ME3: variants seen among roughly 807,000 people sequenced by gnomAD.
ME3 encodes the protein NADP-dependent malic enzyme, mitochondrial.
A neutral mutation model predicts 68.9 loss-of-function variants in ME3; 48 were observed. The observed-to-expected ratio is 0.70, with a 90% CI of 0.55 to 0.89. The LOEUF (loss-of-function observed/expected upper bound fraction) is 0.89. ME3 is among the 40% of genes least tolerant of loss of function. The pLI is 0.00. For missense variants in ME3, 675 were observed against 797.4 expected (o/e 0.85, Z 1.85); for synonymous variants, 320 against 318.8 (o/e 1.00, Z -0.04).
intron 7 of ME3, among the ~76,000 whole-genome samples, chr11:86,472,590 C>T (rs2511082): frequency 0.42 from 63,850 of 151,988 alleles, 13,652 homozygotes; most frequent in African/African-American, 0.46. Flanking sequence ...AGCTTTGAGA[C>T]TGAGCAGGTG....
At chr11:86,519,292 C>G (rs959836374) in intron 4 of ME3, among the ~76,000 whole-genome samples, 1 of 152,084 alleles carries the variant, frequency 6.6e-6, no homozygotes, top group Admixed American at 6.5e-5. Context: ...CCATCAGGAG[C>G]CAGAAAAATC....
chr11:86,535,383 C>T (rs1254714861), intron 4 of ME3, among the ~76,000 whole-genome samples: 1 of 152,128 alleles, frequency 6.6e-6, no homozygotes, highest in Non-Finnish European at 1.5e-5. Context: ...CAGGCCAGGG[C>T]AATCTATGGA....
intron 3 of ME3, 130 bp downstream of exon 3, chr11:86,559,560 T>C: frequency 8.8e-7 from 1 of 1,134,642 alleles, no homozygotes; most frequent in South Asian, 1.9e-5. Context: ...AAGGTAGGGC[T>C]GAGTCTGGGA....
chr11:86,543,601 C>G (rs1956180321), intron 4 of ME3, among the ~76,000 whole-genome samples: 1 of 152,162 alleles, frequency 6.6e-6, no homozygotes, highest in Admixed American at 6.6e-5. Flanking sequence ...ACAAGAAGAG[C>G]TAACTATCCT....
At chr11:86,628,471 G>A (rs1418065617) in intron 2 of ME3, among the ~76,000 whole-genome samples, 2 of 152,194 alleles carry the variant, frequency 1.3e-5, no homozygotes, top group Non-Finnish European at 1.5e-5. Context: ...TGACGCCTAG[G>A]CCATAATCTA....
At chr11:86,439,973 A>G (rs1452137), downstream of ME3, among the ~76,000 whole-genome samples, 14,247 of 152,142 alleles carry the variant, frequency 0.094, 1,278 homozygotes, top group African/African-American at 0.24. Flanking sequence ...TTTTCTCAGG[A>G]TATTCTTGGC....
intron 2 of ME3, among the ~76,000 whole-genome samples, chr11:86,594,954 G>T (rs1959195678): frequency 6.9e-6 from 1 of 145,460 alleles, no homozygotes; most frequent in African/African-American, 2.5e-5. Context: ...GCTTCTGTGG[G>T]GGATGAGCTA....
intron 2 of ME3, among the ~76,000 whole-genome samples, chr11:86,597,998 C>G (rs1313909541): frequency 6.6e-6 from 1 of 152,122 alleles, no homozygotes; most frequent in Non-Finnish European, 1.5e-5. Flanking sequence ...CAGTTCTGGT[C>G]TACAGCTCCC....
At chr11:86,562,751 G>A (rs1285486978) in intron 2 of ME3, among the ~76,000 whole-genome samples, 2 of 151,884 alleles carry the variant, frequency 1.3e-5, no homozygotes, top group Admixed American at 6.6e-5. Context: ...CTGAGGTTTA[G>A]GGCAGAGATC....
At chr11:86,622,217 A>G (rs1943389387) in intron 2 of ME3, among the ~76,000 whole-genome samples, 2 of 152,102 alleles carry the variant, frequency 1.3e-5, no homozygotes, top group African/African-American at 4.8e-5. Context: ...CTGCAGAGAA[A>G]TTGTCTGCCA....
At chr11:86,443,017 G>T in intron 13 of ME3, 98 bp from the exon 14 acceptor site, 1 of 912,838 alleles carries the variant, frequency 1.1e-6, no homozygotes, top group Admixed American at 2.3e-5. Context: ...ACCCTGCATA[G>T]TTGGTCAAAC....
intron 6 of ME3, among the ~76,000 whole-genome samples, chr11:86,493,896 T>C (rs1952147520): frequency 6.6e-6 from 1 of 152,164 alleles, no homozygotes; most frequent in South Asian, 2.1e-4. Flanking sequence ...CAAGTTATTC[T>C]GACATTAAAA....
chr11:86,646,101 C>T (rs746312555), intron 2 of ME3, among the ~76,000 whole-genome samples: 1 of 152,114 alleles, frequency 6.6e-6, no homozygotes, highest in Non-Finnish European at 1.5e-5. Flanking sequence ...GAGGAAAAAC[C>T]AGGGCAAAAA....
At chr11:86,497,278 C>T (rs1254668058) in intron 6 of ME3, among the ~76,000 whole-genome samples, 1 of 152,170 alleles carries the variant, frequency 6.6e-6, no homozygotes, top group Non-Finnish European at 1.5e-5. Flanking sequence ...AGTGACTGTG[C>T]CCGGCCTCAA....
chr11:86,655,234 T>C (rs1189258945), intron 2 of ME3, among the ~76,000 whole-genome samples: 50 of 152,082 alleles, frequency 3.3e-4, no homozygotes, highest in Non-Finnish European at 1.3e-4. Flanking sequence ...CTTCACAGAA[T>C]TGGAAAAAAC....
rs113253127 is a variant in ME3, at chr11:86,574,403, G to C, written c.184-14580C>G. Among the ~76,000 whole-genome samples, 108 of 134,950 alleles carry C rather than the reference G, an allele frequency of 8.0e-4. 4 individuals carry two copies. Among genetic ancestry groups the C allele is most frequent in the African/African-American group, 2.9e-3 (96 of 33,338 alleles). 88.5% of individuals were successfully genotyped at this position (134,950 alleles called of 152,430 possible). ...TGGATGGGGTATTTGTTGCCGGGGGGGGGGGGGGTGTCTTTTTTGTTGATG... is the reference window on the plus strand; with the variant it reads ...TGGATGGGGTATTTGTTGCCGGGGGCGGGGGGGGTGTCTTTTTTGTTGATG... On this transcript the variant is annotated intron_variant, in intron 2 of 14. Coordinates refer to ENST00000543262, the Ensembl canonical transcript of ME3.
intron 4 of ME3, among the ~76,000 whole-genome samples, chr11:86,512,676 ATG>A (rs1953626353): frequency 1.3e-5 from 2 of 152,150 alleles, no homozygotes; most frequent in Admixed American, 1.3e-4. Flanking sequence ...GCATGTGGAG[ATG>A]GTAGATGAAC....
chr11:86,458,333 C>T (rs1594038185), intron 8 of ME3, among the ~76,000 whole-genome samples: 7 of 152,316 alleles, frequency 4.6e-5, no homozygotes, highest in African/African-American at 1.4e-4. Flanking sequence ...CAAAGGCTTT[C>T]TACATTACTT....
chr11:86,469,472 A>G (rs965119828), intron 7 of ME3, among the ~76,000 whole-genome samples: 7 of 152,196 alleles, frequency 4.6e-5, no homozygotes, highest in African/African-American at 1.7e-4. Context: ...GACCCCTCCC[A>G]AGAAGCCGTG....
Sources: allele counts gnomAD v4.1 joint callset (sites outside exome capture counted in the v4.1 genomes callset), GRCh38; gene constraint gnomAD v4.1.1; transcripts MANE v1.5; gene names NCBI Gene and HGNC (gene_info 2026-07-23, HGNC 2026-07-21).